Variants in FHIT observed in about 807,000 individuals in gnomAD.
FHIT encodes the protein fragile histidine triad diadenosine triphosphatase.
Under a neutral mutation model 17.9 loss-of-function variants are expected in FHIT, and 19 were observed. The ratio of observed to expected loss-of-function variants is 1.06; its 90% CI spans 0.74 to 1.56. The LOEUF (loss-of-function observed/expected upper bound fraction) is 1.56. Ranked by LOEUF, FHIT falls within the 40% of genes most tolerant of loss-of-function variation. The pLI is 0.00. For missense variants in FHIT, 248 were observed against 189.2 expected (o/e 1.31, Z -1.82); for synonymous variants, 81 against 69.7 (o/e 1.16, Z -0.81).
At chr3:60,618,513 TGTAA>T (rs1178337346) in intron 4 of FHIT, among the ~76,000 whole-genome samples, 3 of 152,184 alleles carry the variant, frequency 2.0e-5, no homozygotes, top group African/African-American at 4.8e-5. Flanking sequence ...AGCTCCCTGT[TGTAA>T]GTGAGAACAT....
chr3:61,078,708 C>T (rs2035042191), intron 2 of FHIT, among the ~76,000 whole-genome samples: 2 of 152,118 alleles, frequency 1.3e-5, no homozygotes, highest in South Asian at 4.1e-4. Context: ...GCCACAATGA[C>T]CTGACTTTAA....
intron 3 of FHIT, among the ~76,000 whole-genome samples, chr3:60,896,123 T>C (rs991040238): frequency 6.6e-6 from 1 of 152,146 alleles, no homozygotes; most frequent in Non-Finnish European, 1.5e-5. Flanking sequence ...AGAATCTAAC[T>C]AATGCCTGAT....
At chr3:60,879,941 G>T (rs1214284402) in intron 3 of FHIT, among the ~76,000 whole-genome samples, 2 of 146,880 alleles carry the variant, frequency 1.4e-5, no homozygotes, top group African/African-American at 5.2e-5. Flanking sequence ...AGTTCCAGAA[G>T]GAAAAGATGT....
chr3:60,364,855 C>G (rs1700044872), intron 5 of FHIT, among the ~76,000 whole-genome samples: 1 of 152,092 alleles, frequency 6.6e-6, no homozygotes, highest in Non-Finnish European at 1.5e-5. Flanking sequence ...TCTGCTTGAG[C>G]TGAAACATTC....
chr3:60,276,494 G>C (rs1290753175), intron 5 of FHIT, among the ~76,000 whole-genome samples: 1 of 152,184 alleles, frequency 6.6e-6, no homozygotes, highest in Admixed American at 6.5e-5. Flanking sequence ...TAAACCTGGT[G>C]AGAGAACTGG....
chr3:60,725,987 T>A (rs2041909471), intron 4 of FHIT, among the ~76,000 whole-genome samples: 1 of 152,030 alleles, frequency 6.6e-6, no homozygotes, highest in Admixed American at 6.6e-5. Flanking sequence ...TTTAAAAAAA[T>A]TGAGGGAAGG....
chr3:60,102,833 T>A (rs1317112064), intron 5 of FHIT, among the ~76,000 whole-genome samples: 1 of 151,990 alleles, frequency 6.6e-6, no homozygotes, highest in Non-Finnish European at 1.5e-5. Flanking sequence ...GAGAAAAAAA[T>A]GACACATCTA....
At chr3:60,033,377 T>C (rs987316941) in intron 5 of FHIT, among the ~76,000 whole-genome samples, 2 of 151,616 alleles carry the variant, frequency 1.3e-5, no homozygotes, top group Non-Finnish European at 2.9e-5. Flanking sequence ...GCCTGTAATC[T>C]CAGCTACTCA....
rs1323421889 is a variant in FHIT at position 59,785,705 on chromosome 3, G to T, written c.349-33384C>A. ...TAAATAGTAGTAGCAGTAGTTTCTA[G>T]ACATGGCAAATACCAGGATTAATGC... On this transcript the variant is annotated intron_variant, in intron 8 of 9. Transcript: ENST00000492590. Among the ~76,000 whole-genome samples the T allele has an allele frequency of 2.6e-5, 4 of 152,174 alleles. No individual in the cohort carries two copies. In the East Asian group the frequency reaches 5.8e-4, roughly 22 times the overall value.
At chr3:61,156,532 T>G (rs1041516711) in intron 2 of FHIT, among the ~76,000 whole-genome samples, 1 of 152,112 alleles carries the variant, frequency 6.6e-6, no homozygotes, top group Non-Finnish European at 1.5e-5. Context: ...GAATTTTGTC[T>G]GTTTGGTTTG....
chr3:60,322,118 A>G (rs1014113720), intron 5 of FHIT, among the ~76,000 whole-genome samples: 3 of 152,244 alleles, frequency 2.0e-5, no homozygotes, highest in African/African-American at 7.2e-5. Flanking sequence ...TACAGCCCAT[A>G]GAAATACCGT....
intron 8 of FHIT, among the ~76,000 whole-genome samples, chr3:59,795,383 C>CG (rs1699737272): frequency 1.1e-5 from 1 of 93,196 alleles, no homozygotes; most frequent in Admixed American, 1.2e-4. Flanking sequence ...GACCCTGTCT[C>CG]GAAAAAAAAA....
rs79422675 is a variant in FHIT at position 60,178,635 on chromosome 3, T to C, written c.104-164483A>G. ...AAAAGCACAGATATGTCAAGTCAGA[T>C]TCACTTCATCAACTCTAAGATTTAA... On this transcript the variant is annotated intron_variant, in intron 5 of 9. Transcript: ENST00000492590. 6.3e-4 allele frequency among the ~76,000 whole-genome samples: 96 copies of C among 152,210 alleles called. 1 individual carries two copies. The highest frequency in any genetic ancestry group is 2.2e-3 in the African/African-American group (92 of 41,540).
intron 8 of FHIT, among the ~76,000 whole-genome samples, chr3:59,788,885 T>G (rs1462600613): frequency 2.4e-5 from 3 of 125,392 alleles, no homozygotes; most frequent in Admixed American, 8.4e-5. Context: ...TCATATGTTT[T>G]TTTTTTTTAC....
rs1161431232 is a variant in FHIT at position 59,749,123 on chromosome 3, T to TAACA, written c.*458_*461dup. On this transcript the variant is annotated 3_prime_UTR_variant, in exon 10 of 10. Transcript: ENST00000492590. ...AATATTTCATAATTGCCCTATTTAC[T>TAACA]AACACATTTCAGGGGTTTCATGAAC... Among the ~76,000 whole-genome samples, 7 of 152,276 alleles carry TAACA rather than the reference T, an allele frequency of 4.6e-5. No homozygotes were observed. The highest frequency in any genetic ancestry group is 7.2e-5 in the African/African-American group (3 of 41,566).
intron 4 of FHIT, among the ~76,000 whole-genome samples, chr3:60,695,481 G>C (rs1211050605): frequency 1.8e-4 from 28 of 152,190 alleles, no homozygotes; most frequent in Admixed American, 1.4e-3. Context: ...GGGCTCCAAA[G>C]TCAAACTGTG....
intron 5 of FHIT, among the ~76,000 whole-genome samples, chr3:60,328,313 C>A (rs780669451): frequency 6.6e-6 from 1 of 152,150 alleles, no homozygotes; most frequent in African/African-American, 2.4e-5. Flanking sequence ...CATTTTCATA[C>A]TGCTATGAAG....
chr3:60,756,673 G>A (rs1329188002), intron 4 of FHIT, among the ~76,000 whole-genome samples: 1 of 152,228 alleles, frequency 6.6e-6, no homozygotes, highest in African/African-American at 2.4e-5. Flanking sequence ...AGAGGAAAGA[G>A]AAGATCTATG....
At chr3:60,675,029 T>C (rs781932552) in intron 4 of FHIT, among the ~76,000 whole-genome samples, 2 of 152,144 alleles carry the variant, frequency 1.3e-5, no homozygotes, top group Non-Finnish European at 2.9e-5. Context: ...ACCTCCTTAC[T>C]AGCCAGTCCA....
Sources: gnomAD v4.1 joint callset for allele counts (sites outside exome capture counted in the v4.1 genomes callset) on GRCh38, gnomAD v4.1.1 for gene constraint, MANE v1.5 for transcripts, NCBI Gene and HGNC (gene_info 2026-07-23, HGNC 2026-07-21) for gene names.